ALS2: variants seen among roughly 807,000 people sequenced by gnomAD.
The protein encoded by ALS2 is alsin Rho guanine nucleotide exchange factor ALS2.
A neutral mutation model predicts 203.4 loss-of-function variants in ALS2; 117 were observed. That is an observed-to-expected ratio of 0.58 (90% CI 0.50 to 0.67). ALS2 has a LOEUF of 0.67. ALS2 is among the 30% of genes least tolerant of loss of function. ALS2 has a pLI of 0.00. For synonymous variants in ALS2, 718 were observed against 725.9 expected, an observed-to-expected ratio of 0.99 and a Z score of 0.17; for missense variants, 1,715 against 1,989.4, an observed-to-expected ratio of 0.86 and a Z score of 2.62.
At position 201,743,610 on chromosome 2, in the gene ALS2, G is replaced by A. The variant is rs12053029; in HGVS notation, c.2170+648C>T. On this transcript the variant is annotated intron_variant, in intron 10 of 33. Coordinates refer to ENST00000264276, the MANE Select transcript of ALS2 (RefSeq NM_020919.4). ...AGCAATTCTCCTGCCTCAGCCTCCCGAGTAGCTGGAATTACAGGCACCCAC... is the reference window on the plus strand; with the variant it reads ...AGCAATTCTCCTGCCTCAGCCTCCCAAGTAGCTGGAATTACAGGCACCCAC... Among the ~76,000 whole-genome samples the A allele has an allele frequency of 5.9e-3, 902 of 152,098 alleles. 25 individuals are homozygous for A. In the East Asian group the frequency reaches 0.066, roughly 11 times the overall value.
chr2:201,764,504 C>G (rs940519178), intron 3 of ALS2, among the ~76,000 whole-genome samples: 3 of 151,976 alleles, frequency 2.0e-5, no homozygotes, highest in African/African-American at 7.2e-5. Flanking sequence ...AGTGCTGGCA[C>G]TGGCCTGTAG....
chr2:201,761,211 C>A lies in ALS2; in HGVS notation c.783G>T (p.Val261=). The A allele has an allele frequency of 6.2e-7, 1 of 1,614,170 alleles. No individual in the cohort carries two copies. Among genetic ancestry groups the A allele is most frequent in the Non-Finnish European group, 8.5e-7 (1 of 1,180,048 alleles). The change falls in exon 4 of 34, where the codon GTG becomes GTT. Residue 261 remains valine, a synonymous_variant. Transcript: ENST00000264276. The part of the protein sequence containing the change: ...ISDSHCCPLG[V]TLTESQAENH... ...TTTCTGCCTGAGATTCTGTCAGTGT[C>A]ACACCTAATGGGCAACAATGACTGT...
At chr2:201,760,598 G>GA in intron 4 of ALS2, 1 of 1,215,602 alleles carries the variant, frequency 8.2e-7, no homozygotes, top group Admixed American at 4.1e-5. Flanking sequence ...TTTAGCCATA[G>GA]AAAAAAAGTA....
intron 27 of ALS2, among the ~76,000 whole-genome samples, chr2:201,709,433 G>A (rs1346437065): frequency 6.6e-6 from 1 of 152,224 alleles, no homozygotes; most frequent in African/African-American, 2.4e-5. Context: ...CTAGAATGAT[G>A]GCTATTACAT....
intron 8 of ALS2, among the ~76,000 whole-genome samples, chr2:201,749,401 G>A (rs760452855): frequency 6.6e-6 from 1 of 152,066 alleles, no homozygotes; most frequent in Admixed American, 6.6e-5. Context: ...ATCTGGTAAC[G>A]CTGAGAAAAC....
chr2:201,748,565 C>T (rs1411491766), intron 8 of ALS2, among the ~76,000 whole-genome samples: 2 of 152,144 alleles, frequency 1.3e-5, no homozygotes, highest in Non-Finnish European at 2.9e-5. Flanking sequence ...TTTCAGGTCT[C>T]CATGCTACAT....
chr2:201,754,362 A>T, intron 6 of ALS2, 141 bp downstream of exon 6: 1 of 1,103,856 alleles, frequency 9.1e-7, no homozygotes, highest in South Asian at 1.3e-5. Flanking sequence ...ACAGCTTTTT[A>T]TCAGAGTTAA....
chr2:201,765,147 G>A (rs1201370768), intron 3 of ALS2, among the ~76,000 whole-genome samples: 1 of 152,044 alleles, frequency 6.6e-6, no homozygotes, highest in African/African-American at 2.4e-5. Context: ...ACAGGCGCAG[G>A]CCTCCATGCC....
At chr2:201,772,954 T>G (rs531908805) in intron 1 of ALS2, among the ~76,000 whole-genome samples, 1 of 147,532 alleles carries the variant, frequency 6.8e-6, no homozygotes, top group Non-Finnish European at 1.5e-5. Context: ...CTCCACCTCC[T>G]GGGTTCACAT....
chr2:201,770,155 T>C (rs557171076), intron 1 of ALS2, among the ~76,000 whole-genome samples: 32 of 152,324 alleles, frequency 2.1e-4, no homozygotes, highest in Non-Finnish European at 3.7e-4. Context: ...ATCTAATCTG[T>C]GCTTATCTAT....
chr2:201,710,510 C>T (rs559020093), intron 26 of ALS2, among the ~76,000 whole-genome samples: 14 of 151,926 alleles, frequency 9.2e-5, no homozygotes, highest in Non-Finnish European at 1.3e-4. Context: ...GAAAATGTTA[C>T]CTTGGAGAAA....
At chr2:201,757,804 T>C in intron 4 of ALS2, 45 bp from the exon 5 acceptor site, 1 of 1,414,706 alleles carries the variant, frequency 7.1e-7, no homozygotes, top group Non-Finnish European at 9.7e-7. Flanking sequence ...TATAATCCCT[T>C]ATGCAACAAG....
At chr2:201,752,095 T>C (rs902615804) in intron 7 of ALS2, among the ~76,000 whole-genome samples, 4 of 152,188 alleles carry the variant, frequency 2.6e-5, no homozygotes, top group African/African-American at 9.6e-5. Flanking sequence ...TTTTATCAAA[T>C]TGTAAATATT....
intron 12 of ALS2, among the ~76,000 whole-genome samples, chr2:201,733,924 C>T (rs1325859530): frequency 6.6e-6 from 1 of 152,018 alleles, no homozygotes; most frequent in Non-Finnish European, 1.5e-5. Flanking sequence ...TTATTGATCA[C>T]CTAACAAGAG....
At chr2:201,703,962 T>C (rs778210299) in intron 33 of ALS2, among the ~76,000 whole-genome samples, 160 bp downstream of exon 33, 22 of 152,258 alleles carry the variant, frequency 1.4e-4, no homozygotes, top group African/African-American at 4.3e-4. Context: ...TACTTTAATA[T>C]ACTATATAAT....
chr2:201,742,752 T>G (rs1692362370), intron 10 of ALS2, among the ~76,000 whole-genome samples: 1 of 152,164 alleles, frequency 6.6e-6, no homozygotes, highest in Non-Finnish European at 1.5e-5. Context: ...GTAAATTAGT[T>G]GTTTGAAAAG....
At position 201,729,169 on chromosome 2, in the gene ALS2, A is replaced by G. The variant is rs775628010; in HGVS notation, c.2595T>C (p.Tyr865=). 2 of 1,613,774 alleles carry G rather than the reference A, an allele frequency of 1.2e-6. No individual in the cohort carries two copies. Among genetic ancestry groups the G allele is most frequent in the East Asian group, 4.5e-5 (2 of 44,856 alleles). ...ATCFEVASPE[Y]QKLQDSSSCY... Reference sequence around the variant, plus strand: ...AAGAACTGGAATCCTGCAGTTTCTGATATTCTGGAGATGCCTACAGGGCAA... The same window carrying G: ...AAGAACTGGAATCCTGCAGTTTCTGGTATTCTGGAGATGCCTACAGGGCAA... Residue 865 remains tyrosine, a synonymous_variant, in exon 14 of 34, where the codon TAT becomes TAC. Transcript: ENST00000264276.
chr2:201,778,310 G>A (rs1559097585), intron 1 of ALS2: 1 of 152,138 alleles, frequency 6.6e-6, no homozygotes. Context: ...TAGCAGCTAA[G>A]CGAAACTCTG....
At chr2:201,726,625 A>T (rs368794255) in intron 18 of ALS2, 39 bp downstream of exon 18, 4 of 1,610,542 alleles carry the variant, frequency 2.5e-6, no homozygotes, top group Admixed American at 1.7e-5. Context: ...TCATGTGATG[A>T]TCATCCTCAC....
Sources: allele counts gnomAD v4.1 joint callset (sites outside exome capture counted in the v4.1 genomes callset), GRCh38; gene constraint gnomAD v4.1.1; transcripts MANE v1.5; gene names NCBI Gene and HGNC (gene_info 2026-07-23, HGNC 2026-07-21).